The following CAPZA1 variants were observed in gnomAD, a reference collection of about 807,000 sequenced individuals.
CAPZA1 encodes the protein F-actin-capping protein subunit alpha-1.
In CAPZA1, 10 loss-of-function variants were observed where a neutral mutation model predicts 40.8. The observed-to-expected ratio is 0.25, with a 90% CI of 0.15 to 0.42. The LOEUF (loss-of-function observed/expected upper bound fraction) is 0.42. Ranked by LOEUF, CAPZA1 falls within the 10% of genes least tolerant of loss-of-function variation. The pLI, the probability that CAPZA1 is intolerant of heterozygous loss-of-function variation, is 1.00. For missense variants in CAPZA1, 277 were observed against 353.8 expected (o/e 0.78, Z 1.74); for synonymous variants, 98 against 115.0 (o/e 0.85, Z 0.95).
intron 6 of CAPZA1, 106 bp downstream of exon 6, chr1:112,659,207 A>T (rs1671555517): frequency 1.4e-6 from 1 of 739,228 alleles, no homozygotes; most frequent in South Asian, 1.5e-5. Flanking sequence ...TACAGACTTC[A>T]GTTTTCCATC....
intron 1 of CAPZA1, among the ~76,000 whole-genome samples, chr1:112,624,166 A>G (rs1041935927): frequency 6.6e-6 from 1 of 152,170 alleles, no homozygotes; most frequent in African/African-American, 2.4e-5. Context: ...ACCAGGCTTA[A>G]TGCTAAACAA....
At chr1:112,625,811 A>G (rs1670793805) in intron 1 of CAPZA1, 1 of 152,250 alleles carries the variant, frequency 6.6e-6, no homozygotes, top group Admixed American at 6.5e-5. Context: ...TGAATGATTA[A>G]GTAAACCTCT....
At chr1:112,668,236 A>G (rs1357629459) in intron 8 of CAPZA1, among the ~76,000 whole-genome samples, 3 of 152,182 alleles carry the variant, frequency 2.0e-5, no homozygotes, top group African/African-American at 7.2e-5. Flanking sequence ...AGATCGTGCC[A>G]CTGCACTTCA....
At chr1:112,661,643 T>C (rs1422606406) in intron 7 of CAPZA1, among the ~76,000 whole-genome samples, 3 of 152,266 alleles carry the variant, frequency 2.0e-5, no homozygotes, top group African/African-American at 7.2e-5. Flanking sequence ...ATTAACTTCC[T>C]AGAACCATGG....
intron 7 of CAPZA1, among the ~76,000 whole-genome samples, chr1:112,662,861 G>A (rs1013053320): frequency 1.4e-4 from 21 of 152,192 alleles, no homozygotes; most frequent in African/African-American, 5.1e-4. Context: ...CTTTAGACAA[G>A]TTCTGAGAAA....
rs547692756 is a variant in CAPZA1 at position 112,662,674 on chromosome 1, A to T, written c.585+2895A>T. 2.0e-5 allele frequency among the ~76,000 whole-genome samples: 3 copies of T among 152,244 alleles called. No homozygotes were observed. In the South Asian group the frequency reaches 6.2e-4, roughly 31 times the overall value. On this transcript the variant is annotated intron_variant, in intron 7 of 9. Coordinates refer to ENST00000263168, the MANE Select transcript of CAPZA1 (RefSeq NM_006135.3). ...CAGCTTCCCAAAATGCTGGGATTAC[A>T]GGCGTGAGCCACTGCGCCTGGCCCT...
intron 1 of CAPZA1, among the ~76,000 whole-genome samples, chr1:112,643,835 A>G (rs1671228157): frequency 6.6e-6 from 1 of 152,108 alleles, no homozygotes; most frequent in Admixed American, 6.6e-5. Flanking sequence ...AAAGTTGTAA[A>G]GTATTTCTGT....
intron 2 of CAPZA1, among the ~76,000 whole-genome samples, chr1:112,649,100 A>G (rs1023381055): frequency 1.3e-5 from 2 of 152,224 alleles, no homozygotes; most frequent in Non-Finnish European, 2.9e-5. Flanking sequence ...ATGATGTTGT[A>G]GAAACGCCTG....
intron 7 of CAPZA1, among the ~76,000 whole-genome samples, chr1:112,660,253 AGATTGATT>A (rs565085824): frequency 7.9e-5 from 12 of 151,798 alleles, no homozygotes; most frequent in African/African-American, 2.7e-4. Context: ...AAGCAGAAGT[AGATTGATT>A]GATTGATTGA....
chr1:112,637,447 T>C (rs1056522241), intron 1 of CAPZA1, among the ~76,000 whole-genome samples: 2 of 152,242 alleles, frequency 1.3e-5, no homozygotes, highest in Non-Finnish European at 2.9e-5. Context: ...TTTTGTTTTG[T>C]TTTGTTTTGT....
intron 3 of CAPZA1, among the ~76,000 whole-genome samples, chr1:112,651,083 GT>G (rs1290172990): frequency 6.6e-6 from 1 of 152,114 alleles, no homozygotes; most frequent in Non-Finnish European, 1.5e-5. Context: ...CTCAATTAAT[GT>G]TTTCATAATC....
chr1:112,638,472 G>T (rs537719270), intron 1 of CAPZA1, among the ~76,000 whole-genome samples: 1 of 151,954 alleles, frequency 6.6e-6, no homozygotes, highest in African/African-American at 2.4e-5. Context: ...CCACCACTAC[G>T]CCCGGCTAGT....
At chr1:112,639,929 C>A (rs868280986) in intron 1 of CAPZA1, among the ~76,000 whole-genome samples, 174 of 142,478 alleles carry the variant, frequency 1.2e-3, no homozygotes, top group African/African-American at 4.2e-3. Flanking sequence ...GGTCAGCCCC[C>A]CGCCCGGCCA....
chr1:112,660,110 A>T (rs938010795), intron 7 of CAPZA1, among the ~76,000 whole-genome samples: 2 of 151,830 alleles, frequency 1.3e-5, no homozygotes, highest in African/African-American at 2.4e-5. Flanking sequence ...ACAGAGTTTC[A>T]CTCCATCACC....
chr1:112,641,749 C>T (rs1430928069), intron 1 of CAPZA1, among the ~76,000 whole-genome samples: 2 of 151,750 alleles, frequency 1.3e-5, no homozygotes, highest in Admixed American at 6.6e-5. Context: ...ATTAGCGGGG[C>T]CTTATGGCAC....
intron 9 of CAPZA1, 53 bp downstream of exon 9, chr1:112,669,658 G>A (rs777357395): frequency 2.3e-6 from 3 of 1,300,918 alleles, no homozygotes; most frequent in Non-Finnish European, 2.2e-6. Context: ...TTATTTCGCT[G>A]TTAGCATATT....
chr1:112,656,884 G>T (rs1475171694), intron 5 of CAPZA1, among the ~76,000 whole-genome samples: 1 of 151,522 alleles, frequency 6.6e-6, no homozygotes, highest in Non-Finnish European at 1.5e-5. Flanking sequence ...GTTTTGTAAG[G>T]ATTGAAACTG....
chr1:112,637,043 A>G (rs1003908541), intron 1 of CAPZA1, among the ~76,000 whole-genome samples: 9 of 152,262 alleles, frequency 5.9e-5, no homozygotes, highest in African/African-American at 2.2e-4. Flanking sequence ...AATTCATGTG[A>G]CACACTAAAG....
chr1:112,653,557 CTTTTTT>C (rs372032414), intron 3 of CAPZA1, 35 bp from the exon 4 acceptor site: 7 of 817,280 alleles, frequency 8.6e-6, no homozygotes, highest in Non-Finnish European at 1.1e-5. Flanking sequence ...CTCTCTCCCT[CTTTTTT>C]TTTTTTTTTT....
Sources: allele counts gnomAD v4.1 joint callset (sites outside exome capture counted in the v4.1 genomes callset), GRCh38; gene constraint gnomAD v4.1.1; transcripts MANE v1.5; gene names NCBI Gene and HGNC (gene_info 2026-07-23, HGNC 2026-07-21).